Variants in MPC2 observed in about 807,000 individuals in gnomAD.
MPC2 encodes the protein mitochondrial pyruvate carrier 2.
Under a neutral mutation model 19.2 loss-of-function variants are expected in MPC2, and 19 were observed. The ratio of observed to expected loss-of-function variants is 0.99; its 90% CI spans 0.69 to 1.45. The LOEUF is 1.45. MPC2 is among the 40% of genes most tolerant of loss of function. The probability of loss-of-function intolerance (pLI) is 0.00; values close to 1 mark genes in which losing one functional copy is unlikely to be tolerated. For synonymous variants in MPC2, 61 were observed against 54.3 expected, an observed-to-expected ratio of 1.12 and a Z score of -0.54; for missense variants, 122 against 153.0, an observed-to-expected ratio of 0.80 and a Z score of 1.07.
At chr1:167,929,453 CTTATTT>C (rs987519718) in intron 2 of MPC2, among the ~76,000 whole-genome samples, 3 of 152,062 alleles carry the variant, frequency 2.0e-5, no homozygotes, top group Admixed American at 1.3e-4. Context: ...GTTTTATTGC[CTTATTT>C]TTAAAGTGAA....
chr1:167,919,735 A>C (rs920271701), intron 5 of MPC2, among the ~76,000 whole-genome samples: 5 of 152,204 alleles, frequency 3.3e-5, no homozygotes, highest in Admixed American at 1.3e-4. Flanking sequence ...CATACTGCTT[A>C]ACTGATTTTA....
intron 2 of MPC2, among the ~76,000 whole-genome samples, chr1:167,931,396 A>G (rs539399576): frequency 2.7e-4 from 41 of 152,262 alleles, no homozygotes; most frequent in African/African-American, 9.9e-4. Context: ...TTGTTTGAAG[A>G]TATTCTATTT....
intron 2 of MPC2, among the ~76,000 whole-genome samples, chr1:167,925,483 A>G (rs537445727): frequency 0.016 from 2,178 of 136,842 alleles, 28 homozygotes; most frequent in Non-Finnish European, 0.025. Context: ...ATACATATAC[A>G]TATACACACA....
chr1:167,934,674 G>A (rs1343055085), intron 2 of MPC2, among the ~76,000 whole-genome samples: 1 of 152,168 alleles, frequency 6.6e-6, no homozygotes, highest in East Asian at 1.9e-4. Flanking sequence ...GGGGGAACTA[G>A]ACAACTTTCC....
chr1:167,920,162 A>G, intron 4 of MPC2, 72 bp from the exon 5 acceptor site: 1 of 922,344 alleles, frequency 1.1e-6, no homozygotes, highest in Non-Finnish European at 1.7e-6. Flanking sequence ...CTTAATATTG[A>G]GTAAAGTAAT....
At chr1:167,934,868 T>C (rs1276350507) in intron 2 of MPC2, among the ~76,000 whole-genome samples, 1 of 152,160 alleles carries the variant, frequency 6.6e-6, no homozygotes, top group Non-Finnish European at 1.5e-5. Context: ...ACAACTCACT[T>C]TATAGAAGAG....
rs745857752 is a variant in MPC2, at chr1:167,935,859, T to C, written c.-18A>G. On this transcript the variant is annotated 5_prime_UTR_variant, in exon 2 of 6. Coordinates refer to ENST00000271373, the MANE Select transcript of MPC2 (RefSeq NM_001143674.4). The stretch of plus-strand genomic sequence containing the variant: ...GCCGACATCGCCGCCGAGGGATCGT[T>C]GGCAGCCGGGTGGGAGCGTGGCTGT... 1.4e-5 allele frequency: 21 copies of C among 1,541,166 alleles called. No individual in the cohort carries two copies. The Admixed American group carries it at 4.1e-4, about 30-fold the overall frequency.
intron 2 of MPC2, among the ~76,000 whole-genome samples, chr1:167,933,358 G>A (rs1159331632): frequency 1.3e-5 from 2 of 151,884 alleles, no homozygotes; most frequent in African/African-American, 4.8e-5. Context: ...GTAGAGATAG[G>A]GTTTCATCAT....
At chr1:167,934,086 T>TA (rs910323560) in intron 2 of MPC2, among the ~76,000 whole-genome samples, 5 of 152,284 alleles carry the variant, frequency 3.3e-5, no homozygotes, top group African/African-American at 9.6e-5. Flanking sequence ...AAAAGGGGGT[T>TA]AAAATAACTG....
At chr1:167,932,808 C>CAA (rs965449372) in intron 2 of MPC2, among the ~76,000 whole-genome samples, 84 of 54,834 alleles carry the variant, frequency 1.5e-3, no homozygotes, top group African/African-American at 4.2e-3. Context: ...GACTCTGTCT[C>CAA]AAAAAAAAAA....
intron 3 of MPC2, among the ~76,000 whole-genome samples, chr1:167,921,729 T>TA (rs200476509): frequency 1.6e-4 from 24 of 152,154 alleles, no homozygotes; most frequent in Admixed American, 1.3e-3. Context: ...TGTTTTTTTT[T>TA]AAAAAAACTA....
intron 2 of MPC2, among the ~76,000 whole-genome samples, chr1:167,928,881 TCTC>T (rs1433222283): frequency 6.6e-6 from 1 of 152,008 alleles, no homozygotes; most frequent in African/African-American, 2.4e-5. Flanking sequence ...TGAAGAAAAA[TCTC>T]CTCATAAGAC....
Position 167,918,127 on chromosome 1 carries a change from A to G in MPC2, c.*196T>C. On this transcript the variant is annotated 3_prime_UTR_variant, in exon 6 of 6. Transcript: ENST00000271373. ...TGGTAGAAAAATGTTACTAATATCC[A>G]TAGATAAGTTCCTTAAGTCATGTAG... The G allele has an allele frequency of 2.2e-6, 1 of 462,580 alleles. No individual in the cohort carries two copies. The highest frequency in any genetic ancestry group is 3.8e-6 in the Non-Finnish European group (1 of 261,190). The allele number at this position is 462,580 out of a possible 1,614,324, so 28.7% of individuals were successfully genotyped here.
At chr1:167,925,470 T>TATATATATACAC (rs1197746767) in intron 2 of MPC2, among the ~76,000 whole-genome samples, 1 of 107,788 alleles carries the variant, frequency 9.3e-6, no homozygotes, top group East Asian at 2.7e-4. Context: ...TATATATATA[T>TATATATATACAC]ATATACATAT....
chr1:167,925,705 C>G (rs148945845), intron 2 of MPC2, among the ~76,000 whole-genome samples: 12,076 of 151,358 alleles, frequency 0.08, 565 homozygotes, highest in Middle Eastern at 0.11. Context: ...TGCCACCACA[C>G]CCGGCTAATT....
intron 1 of MPC2, 27 bp from the exon 2 acceptor site, chr1:167,935,925 T>C (rs1571528721): frequency 1.6e-5 from 17 of 1,081,216 alleles, no homozygotes; most frequent in Non-Finnish European, 2.2e-5. Context: ...GCTAGTCACT[T>C]TTCCTGCCAC....
chr1:167,920,210 A>G, intron 4 of MPC2, 120 bp from the exon 5 acceptor site: 1 of 652,096 alleles, frequency 1.5e-6, no homozygotes, highest in Admixed American at 3.2e-5. Flanking sequence ...AAGAAATGCT[A>G]TACTCTGAAT....
At position 167,936,983 on chromosome 1, in the gene MPC2, G is replaced by T. The variant is rs764507123; in HGVS notation, c.-102C>A. On this transcript the variant is annotated 5_prime_UTR_variant, in exon 1 of 6. Coordinates refer to ENST00000271373, the MANE Select transcript of MPC2 (RefSeq NM_001143674.4). ...AAAGGTCCCTCGGGCTGGAGGACCC[G>T]TCCCGGCTGCGGAGTCGCTACCTGG... 29 of 1,610,740 alleles carry T rather than the reference G, an allele frequency of 1.8e-5. No homozygotes were observed. Among genetic ancestry groups the T allele is most frequent in the Non-Finnish European group, 2.4e-5 (28 of 1,179,062 alleles).
intron 5 of MPC2, among the ~76,000 whole-genome samples, chr1:167,919,604 G>A (rs1670550160): frequency 6.6e-6 from 1 of 152,094 alleles, no homozygotes; most frequent in Non-Finnish European, 1.5e-5. Flanking sequence ...AATTGAAAGT[G>A]ATAAAAGGTT....
Sources: allele counts gnomAD v4.1 joint callset (sites outside exome capture counted in the v4.1 genomes callset), GRCh38; gene constraint gnomAD v4.1.1; transcripts MANE v1.5; gene names NCBI Gene and HGNC (gene_info 2026-07-23, HGNC 2026-07-21).